WWOX: variants seen among roughly 807,000 people sequenced by gnomAD.
WWOX encodes the protein WW domain containing oxidoreductase.
WWOX carries 69 observed loss-of-function variants against 46.2 expected under a neutral mutation model. The ratio of observed to expected loss-of-function variants is 1.49; its 90% CI spans 1.23 to 1.82. The LOEUF (loss-of-function observed/expected upper bound fraction) is 1.82. WWOX is among the 40% of genes most tolerant of loss of function. The pLI is 0.00. For synonymous variants in WWOX, 359 were observed against 202.6 expected (o/e 1.77, Z -6.56); for missense variants, 919 against 542.6 (o/e 1.69, Z -6.89).
At chr16:78,602,238 G>T (rs1226755042) in intron 8 of WWOX, among the ~76,000 whole-genome samples, 3 of 151,988 alleles carry the variant, frequency 2.0e-5, no homozygotes, top group Non-Finnish European at 4.4e-5. Context: ...GATAGATCTG[G>T]ATAGATTTTT....
chr16:79,072,344 G>T (rs2048567355), intron 8 of WWOX, among the ~76,000 whole-genome samples: 1 of 152,098 alleles, frequency 6.6e-6, no homozygotes, highest in Admixed American at 6.6e-5. Flanking sequence ...CTCTGCAGAG[G>T]TCCTGGGTCA....
intron 8 of WWOX, among the ~76,000 whole-genome samples, chr16:79,142,893 A>C (rs778141629): frequency 3.9e-5 from 6 of 151,974 alleles, no homozygotes; most frequent in Non-Finnish European, 7.4e-5. Flanking sequence ...TTACAGAGAC[A>C]AGTTCTCGCC....
At chr16:78,831,133 G>T (rs1382630540) in intron 8 of WWOX, among the ~76,000 whole-genome samples, 1 of 152,146 alleles carries the variant, frequency 6.6e-6, no homozygotes, top group Non-Finnish European at 1.5e-5. Flanking sequence ...CTGGTGGAGG[G>T]GCTTGCAGAG....
chr16:78,449,516 C>G (rs1435504796), intron 8 of WWOX, among the ~76,000 whole-genome samples: 2 of 152,142 alleles, frequency 1.3e-5, no homozygotes, highest in African/African-American at 4.8e-5. Context: ...ACTCACAGGA[C>G]TTGATGATTT....
chr16:78,664,231 A>G (rs77642005), intron 8 of WWOX, among the ~76,000 whole-genome samples: 3 of 152,162 alleles, frequency 2.0e-5, no homozygotes, highest in African/African-American at 7.2e-5. Context: ...AGCATATTCA[A>G]ATGTAATTGT....
Position 78,274,697 on chromosome 16 carries a change from C to T in WWOX, c.516+110408C>T, listed in dbSNP as rs117811769. The stretch of plus-strand genomic sequence containing the variant: ...CATTGGCTTCAGGCTTCACATCCTT[C>T]CTGGACATGTTCAATGCTGCTTTCG... On this transcript the variant is annotated intron_variant, in intron 5 of 8. Transcript: ENST00000566780. Among the ~76,000 whole-genome samples the T allele has an allele frequency of 1.2e-3, 185 of 152,292 alleles. 1 individual carries two copies. Among genetic ancestry groups the T allele is most frequent in the South Asian group, 2.3e-3 (11 of 4,830 alleles).
chr16:78,257,738 C>T (rs1011672245), intron 5 of WWOX, among the ~76,000 whole-genome samples: 1 of 152,062 alleles, frequency 6.6e-6, no homozygotes, highest in Admixed American at 6.6e-5. Context: ...GGATTTGAAA[C>T]GATTATCACT....
chr16:79,117,395 A>G (rs981871072), intron 8 of WWOX, among the ~76,000 whole-genome samples: 1 of 152,192 alleles, frequency 6.6e-6, no homozygotes, highest in African/African-American at 2.4e-5. Context: ...ATCATGCCAT[A>G]AATAGACGTG....
At chr16:78,986,511 A>G (rs1234094736) in intron 8 of WWOX, among the ~76,000 whole-genome samples, 1 of 152,144 alleles carries the variant, frequency 6.6e-6, no homozygotes, top group Non-Finnish European at 1.5e-5. Context: ...TCTTTTTAGG[A>G]TTTCATGTAA....
chr16:78,195,821 C>CAAAAAAAAAAAAAAA (rs148609646), intron 5 of WWOX, among the ~76,000 whole-genome samples: 2 of 76,056 alleles, frequency 2.6e-5, no homozygotes, highest in Non-Finnish European at 2.4e-5. Context: ...GACTCTGCCT[C>CAAAAAAAAAAAAAAA]AAAAAAAAAA....
intron 8 of WWOX, among the ~76,000 whole-genome samples, chr16:79,127,245 C>G (rs984024372): frequency 6.6e-6 from 1 of 152,052 alleles, no homozygotes; most frequent in Admixed American, 6.6e-5. Flanking sequence ...TCTCCCTCTA[C>G]CCCTTTCCTT....
intron 8 of WWOX, among the ~76,000 whole-genome samples, chr16:78,979,268 C>T (rs188530727): frequency 2.3e-3 from 346 of 152,244 alleles, no homozygotes; most frequent in African/African-American, 7.1e-3. Flanking sequence ...TTCCCACCTC[C>T]CAGAGATAAC....
intron 8 of WWOX, among the ~76,000 whole-genome samples, chr16:78,565,081 A>G (rs1567648023): frequency 6.6e-6 from 1 of 152,208 alleles, no homozygotes; most frequent in Non-Finnish European, 1.5e-5. Context: ...AACTGGAAGG[A>G]ACCTCAGTTT....
intron 5 of WWOX, among the ~76,000 whole-genome samples, chr16:78,170,792 A>G (rs1011532147): frequency 2.0e-5 from 3 of 152,250 alleles, no homozygotes; most frequent in Admixed American, 2.0e-4. Flanking sequence ...CAGGAACAGC[A>G]AGCAATGGTT....
intron 8 of WWOX, among the ~76,000 whole-genome samples, chr16:78,687,657 G>C (rs1028826266): frequency 6.6e-6 from 1 of 152,172 alleles, no homozygotes; most frequent in Non-Finnish European, 1.5e-5. Context: ...GGTTAGCACA[G>C]CCTCTATTAC....
intron 8 of WWOX, among the ~76,000 whole-genome samples, chr16:78,936,211 T>C (rs1401785851): frequency 1.3e-5 from 2 of 152,072 alleles, no homozygotes; most frequent in African/African-American, 4.8e-5. Flanking sequence ...GCAGTGAGTT[T>C]AATGGTTGAC....
chr16:78,755,069 G>C (rs769107701), intron 8 of WWOX, among the ~76,000 whole-genome samples: 64 of 151,794 alleles, frequency 4.2e-4, no homozygotes, highest in Middle Eastern at 6.8e-3. Context: ...GAAAGGGGAG[G>C]GAGAGCATTA....
intron 8 of WWOX, among the ~76,000 whole-genome samples, chr16:78,584,820 A>G (rs1490359856): frequency 1.3e-5 from 2 of 152,222 alleles, no homozygotes; most frequent in Admixed American, 6.5e-5. Context: ...GTGCACGTGT[A>G]AAAGTTCAAG....
chr16:78,835,948 T>A (rs1033143504), intron 8 of WWOX, among the ~76,000 whole-genome samples: 2 of 152,210 alleles, frequency 1.3e-5, no homozygotes, highest in African/African-American at 4.8e-5. Flanking sequence ...CAAGGAAATA[T>A]AAAATTATGT....
Sources: gnomAD v4.1 joint callset for allele counts (sites outside exome capture counted in the v4.1 genomes callset) on GRCh38, gnomAD v4.1.1 for gene constraint, MANE v1.5 for transcripts, NCBI Gene and HGNC (gene_info 2026-07-23, HGNC 2026-07-21) for gene names.